The following USP2 variants were observed in gnomAD, a reference collection of about 807,000 sequenced individuals.
USP2 encodes the protein ubiquitin specific peptidase 2.
USP2 carries 33 observed loss-of-function variants against 72.0 expected under a neutral mutation model. The observed-to-expected ratio is 0.46, with a 90% CI of 0.35 to 0.61. The LOEUF is 0.61. Among genes scored for constraint, USP2 ranks in the 20% least tolerant of loss-of-function variants. USP2 has a pLI of 0.01. For missense variants in USP2, 691 were observed against 797.8 expected (o/e 0.87, Z 1.61); for synonymous variants, 296 against 312.5 (o/e 0.95, Z 0.56).
chr11:119,368,466 C>T (rs952480761), intron 2 of USP2, among the ~76,000 whole-genome samples: 5 of 152,226 alleles, frequency 3.3e-5, no homozygotes, highest in African/African-American at 1.2e-4. Flanking sequence ...TTGGAGTAAC[C>T]TCCGCTCACT....
chr11:119,356,922 G>T lies in USP2; in HGVS notation c.1731C>A (p.Ser577Arg). Residue 577 changes from serine (S) to arginine (R), a missense_variant and splice_region_variant, in exon 13 of 13, where the codon AGC (serine) becomes AGA (arginine). Ser to Arg is a moderately radical substitution (Grantham distance 110, BLOSUM62 -1). Coordinates refer to ENST00000260187, the MANE Select transcript of USP2 (RefSeq NM_004205.5). ...TGEWHTFNDS[S>R]VTPMSSSQVR... ...CTTGGCTGGAGGACATGGGAGTGAC[G>T]CTGCGGAGAGAGCGGGGAGTCAGCC... The T allele has an allele frequency of 6.4e-7, 1 of 1,557,178 alleles. No individual in the cohort carries two copies. The highest frequency in any genetic ancestry group is 1.2e-5 in the South Asian group (1 of 84,528).
At chr11:119,376,124 C>T (rs1858192644) in intron 1 of USP2, 1 of 965,884 alleles carries the variant, frequency 1.0e-6, no homozygotes, top group African/African-American at 1.8e-5. Context: ...CCGGGGCCTT[C>T]CACATGTCTC....
At position 119,359,341 on chromosome 11, in the gene USP2, C is replaced by T. The variant is rs751554543; in HGVS notation, c.951G>A (p.Glu317=). ...ATATGGTCTGAATTAGTTTTGCAAA[C>T]TCTATTGGAAGGAGAGAGTGTACAG... ...GSNAHTALVE[E]FAKLIQTIWT... is the part of the protein sequence containing the mutation. The change falls in exon 5 of 13, where the codon GAG becomes GAA. Residue 317 remains glutamate (E), a splice_region_variant and synonymous_variant. Coordinates refer to ENST00000260187, the MANE Select transcript of USP2 (RefSeq NM_004205.5). The T allele has an allele frequency of 5.6e-6, 9 of 1,612,916 alleles. No individual in the cohort carries two copies. The highest frequency in any genetic ancestry group is 7.6e-6 in the Non-Finnish European group (9 of 1,179,524).
intron 2 of USP2, among the ~76,000 whole-genome samples, chr11:119,367,496 AC>A (rs1317151613): frequency 6.6e-6 from 1 of 152,180 alleles, no homozygotes; most frequent in Non-Finnish European, 1.5e-5. Context: ...AAATGGACAG[AC>A]CGGTGGCCTG....
chr11:119,363,913 C>A, intron 2 of USP2: 1 of 1,056,408 alleles, frequency 9.5e-7, no homozygotes, highest in Non-Finnish European at 1.2e-6. Flanking sequence ...GAGAGGGGAG[C>A]GCGGCCGCAG....
intron 1 of USP2, chr11:119,379,170 T>C (rs1308502383): frequency 5.1e-6 from 5 of 985,334 alleles, no homozygotes; most frequent in Non-Finnish European, 6.0e-6. Context: ...CCTCGCAGAC[T>C]CGCAGAGATG....
Position 119,359,248 on chromosome 11 carries a change from C to T in USP2, c.1044G>A (p.Pro348=), listed in dbSNP as rs143916320. 4.3e-5 allele frequency: 69 copies of T among 1,613,800 alleles called. No homozygotes were observed. The highest frequency in any genetic ancestry group is 1.8e-4 in the East Asian group (8 of 44,878). Residue 348 remains proline (P), a synonymous_variant, in exon 5 of 13, where the codon CCG becomes CCA. Transcript: ENST00000260187. ...GCCCTTACTTATAGCCAACAAAGCGCGGTGCGTATCTCTGGATCTGGGTCT... is the reference window on the plus strand; with the variant it reads ...GCCCTTACTTATAGCCAACAAAGCGTGGTGCGTATCTCTGGATCTGGGTCT... ...EFKTQIQRYA[P]RFVGYNQQDA... is the part of the protein sequence containing the mutation.
chr11:119,365,893 G>GTTTTTTTTTTTTTTTTTTTT (rs1317666327), intron 2 of USP2, among the ~76,000 whole-genome samples: 2 of 131,268 alleles, frequency 1.5e-5, no homozygotes, highest in African/African-American at 5.5e-5. Context: ...TATTTTATTT[G>GTTTTTTTTTTTTTTTTTTTT]TTTTGTTTTT....
chr11:119,369,944 C>T (rs540446373), intron 2 of USP2, among the ~76,000 whole-genome samples: 2 of 152,146 alleles, frequency 1.3e-5, no homozygotes, highest in African/African-American at 2.4e-5. Context: ...TTTGGGAGGC[C>T]GAGGCGGGTG....
chr11:119,360,845 G>C (rs1950751852), intron 2 of USP2, among the ~76,000 whole-genome samples: 1 of 152,162 alleles, frequency 6.6e-6, no homozygotes, highest in African/African-American at 2.4e-5. Flanking sequence ...TGCTACAGTG[G>C]AGACTAGGAA....
At chr11:119,365,214 C>T (rs1950835660) in intron 2 of USP2, among the ~76,000 whole-genome samples, 1 of 152,200 alleles carries the variant, frequency 6.6e-6, no homozygotes, top group African/African-American at 2.4e-5. Context: ...TGGGCTCCTT[C>T]TGTTCCTTCT....
rs775228341 is a variant in USP2 at position 119,359,386 on chromosome 11, A to G, written c.950-44T>C. 8.8e-6 allele frequency: 14 copies of G among 1,590,446 alleles called. No individual in the cohort carries two copies. In the African/African-American group the frequency reaches 9.5e-5, roughly 11 times the overall value. The stretch of plus-strand genomic sequence containing the variant: ...GTACAGGACAGCTGAGATATTTTCT[A>G]TAAGAAACTCTGAAACTAGAATCCC... On this transcript the variant is annotated intron_variant, in intron 4 of 12. Coordinates refer to ENST00000260187, the MANE Select transcript of USP2 (RefSeq NM_004205.5).
At chr11:119,363,766 A>T in intron 2 of USP2, 1 of 1,117,806 alleles carries the variant, frequency 8.9e-7, no homozygotes, top group Non-Finnish European at 1.2e-6. Context: ...CCCCTCACCT[A>T]GGGGCGCGTG....
intron 1 of USP2, among the ~76,000 whole-genome samples, chr11:119,376,022 GTCATGCCA>G (rs1950996227): frequency 6.6e-6 from 1 of 152,246 alleles, no homozygotes; most frequent in Non-Finnish European, 1.5e-5. Context: ...AGCCCTGGGA[GTCATGCCA>G]TCACTAATAC....
intron 7 of USP2, 71 bp from the exon 8 acceptor site, chr11:119,358,323 A>AT (rs59899031): frequency 3.2e-3 from 3,607 of 1,139,538 alleles, no homozygotes; most frequent in Non-Finnish European, 3.7e-3. Context: ...AGCAGCTTTT[A>AT]TTTTTTTTTT....
At chr11:119,371,550 T>C (rs1950926743) in intron 2 of USP2, among the ~76,000 whole-genome samples, 1 of 152,176 alleles carries the variant, frequency 6.6e-6, no homozygotes, top group East Asian at 1.9e-4. Flanking sequence ...CCCTAAGTCA[T>C]ATTATCAAAG....
intron 2 of USP2, among the ~76,000 whole-genome samples, chr11:119,367,812 C>T (rs1450880666): frequency 1.3e-5 from 2 of 152,188 alleles, no homozygotes; most frequent in Admixed American, 1.3e-4. Flanking sequence ...GCCACGTGTG[C>T]AGCTTTGGGC....
Position 119,360,186 on chromosome 11 carries a change from T to C in USP2, c.823A>G (p.Thr275Ala). 1 of 1,613,678 alleles carries C rather than the reference T, an allele frequency of 6.2e-7. No homozygotes were observed. The change falls in exon 3 of 13, where the codon ACG (threonine) becomes GCG (alanine). Residue 275 changes from threonine (T) to alanine (A), a missense_variant and splice_region_variant. Coordinates refer to ENST00000260187, the MANE Select transcript of USP2 (RefSeq NM_004205.5). ...GLAGLRNLGN[T>A]CFMNSILQCL... ...GAAGCAGGCCAGGAAAAACTCACCG[T>C]GTTCCCAAGGTTTCGAAGACCAGCC...
Position 119,356,904 on chromosome 11 carries a change from G to C in USP2, c.1749C>G (p.Ser583=). 1 of 1,561,442 alleles carries C rather than the reference G, an allele frequency of 6.4e-7. No homozygotes were observed. The highest frequency in any genetic ancestry group is 8.7e-7 in the Non-Finnish European group (1 of 1,153,290). Residue 583 remains serine, a synonymous_variant, in exon 13 of 13, where the codon TCC becomes TCG. Coordinates refer to ENST00000260187, the MANE Select transcript of USP2 (RefSeq NM_004205.5). ...FNDSSVTPMS[S]SQVRTSDAYL... Reference sequence around the variant, plus strand: ...AGGCGTCGCTGGTGCGCACTTGGCTGGAGGACATGGGAGTGACGCTGCGGA... The same window carrying C: ...AGGCGTCGCTGGTGCGCACTTGGCTCGAGGACATGGGAGTGACGCTGCGGA...
Sources: gnomAD v4.1 joint callset for allele counts (sites outside exome capture counted in the v4.1 genomes callset) on GRCh38, gnomAD v4.1.1 for gene constraint, MANE v1.5 for transcripts, NCBI Gene and HGNC (gene_info 2026-07-23, HGNC 2026-07-21) for gene names.